The following MAP3K2 variants were observed in gnomAD, a reference collection of about 807,000 sequenced individuals.
MAP3K2 encodes the protein mitogen-activated protein kinase kinase kinase 2.
MAP3K2 carries 24 observed loss-of-function variants against 80.3 expected under a neutral mutation model. That is an observed-to-expected ratio of 0.30 (90% CI 0.22 to 0.42). The LOEUF (loss-of-function observed/expected upper bound fraction) is 0.42. MAP3K2 is among the 10% of genes least tolerant of loss of function. The pLI, the probability that MAP3K2 is intolerant of heterozygous loss-of-function variation, is 1.00. For missense variants in MAP3K2, 608 were observed against 750.1 expected (o/e 0.81, Z 2.21); for synonymous variants, 244 against 253.7 (o/e 0.96, Z 0.36).
At chr2:127,368,516 G>A (rs1337312404) in intron 1 of MAP3K2, among the ~76,000 whole-genome samples, 1 of 152,064 alleles carries the variant, frequency 6.6e-6, no homozygotes, top group Non-Finnish European at 1.5e-5. Context: ...CAGCTACTCA[G>A]GAGGCTGAGG....
intron 1 of MAP3K2, among the ~76,000 whole-genome samples, chr2:127,358,360 A>G (rs1686829218): frequency 6.6e-6 from 1 of 152,222 alleles, no homozygotes; most frequent in South Asian, 2.1e-4. Context: ...CCGCTTTGGA[A>G]AACAGTTTGG....
chr2:127,338,657 A>G (rs1376739784), intron 3 of MAP3K2, among the ~76,000 whole-genome samples: 2 of 152,188 alleles, frequency 1.3e-5, no homozygotes, highest in African/African-American at 2.4e-5. Context: ...CTGAAAGGAC[A>G]TGATTTTGTT....
rs1686040058 is a variant in MAP3K2, at chr2:127,322,289, T to C, written c.839-37A>G. ...AAAGAGAATGACCTTATACCTTTTA[T>C]TAATATGTTATACTTTTAAAGTATT... On this transcript the variant is annotated intron_variant, in intron 11 of 16. Coordinates refer to ENST00000682094, the MANE Select transcript of MAP3K2 (RefSeq NM_001371910.2). The surrounding 1 kb of genome is among the most constrained non-coding windows in gnomAD (Gnocchi z 4.2). 3 of 1,297,660 alleles carry C rather than the reference T, an allele frequency of 2.3e-6. No individual in the cohort carries two copies. The highest frequency in any genetic ancestry group is 2.2e-6 in the Non-Finnish European group (2 of 912,398). 80.4% of individuals were successfully genotyped at this position (1,297,660 alleles called of 1,614,324 possible).
intron 11 of MAP3K2, among the ~76,000 whole-genome samples, chr2:127,323,523 A>C (rs1686068906): frequency 6.6e-6 from 1 of 152,110 alleles, no homozygotes; most frequent in Non-Finnish European, 1.5e-5. Flanking sequence ...TGTCTCTACA[A>C]AAAAAATTTT....
chr2:127,319,975 G>A (rs529281035), intron 12 of MAP3K2, among the ~76,000 whole-genome samples: 4 of 152,202 alleles, frequency 2.6e-5, no homozygotes, highest in Admixed American at 2.6e-4. Flanking sequence ...TCCAAACCCA[G>A]CTCAACTCCT....
At chr2:127,360,368 T>TA (rs58395927) in intron 1 of MAP3K2, among the ~76,000 whole-genome samples, 2,955 of 125,306 alleles carry the variant, frequency 0.024, 52 homozygotes, top group African/African-American at 0.062. Context: ...ATCACTGGTT[T>TA]AAAAAAAAAA....
Position 127,302,512 on chromosome 2 carries a change from A to ATG in MAP3K2, c.*5066_*5067insCA, listed in dbSNP as rs1353682359. 6.6e-6 allele frequency: 1 copy of ATG among 152,054 alleles called. No individual in the cohort carries two copies. The highest frequency in any genetic ancestry group is 6.6e-5 in the Admixed American group (1 of 15,238). The allele number at this position is 152,054 out of a possible 1,614,324, so 9.4% of individuals were successfully genotyped here. ...GCACACATGCACACACTTCACAGAA[A>ATG]AGTAACTTTTCTGTGAGTATTACCC... is the stretch of plus-strand genomic sequence containing the variant. On this transcript the variant is annotated 3_prime_UTR_variant, in exon 17 of 17. Coordinates refer to ENST00000682094, the MANE Select transcript of MAP3K2 (RefSeq NM_001371910.2).
intron 9 of MAP3K2, 27 bp from the exon 10 acceptor site, chr2:127,324,268 T>G: frequency 7.2e-7 from 1 of 1,380,476 alleles, no homozygotes; most frequent in Non-Finnish European, 9.9e-7. Context: ...TCACATTAAG[T>G]TTACAGAAAG....
chr2:127,326,182 CTAA>C (rs1393747873), intron 8 of MAP3K2, among the ~76,000 whole-genome samples: 4 of 150,216 alleles, frequency 2.7e-5, no homozygotes, highest in South Asian at 2.1e-4. Context: ...CAAACTGAGA[CTAA>C]TGACACTATG....
chr2:127,338,309 TC>T (rs1686411242), intron 3 of MAP3K2, among the ~76,000 whole-genome samples: 1 of 152,178 alleles, frequency 6.6e-6, no homozygotes, highest in Admixed American at 6.5e-5. Context: ...ATGCTACAAT[TC>T]TTTATGAACA....
intron 2 of MAP3K2, among the ~76,000 whole-genome samples, chr2:127,340,996 G>A (rs992641653): frequency 6.6e-6 from 1 of 151,838 alleles, no homozygotes; most frequent in Non-Finnish European, 1.5e-5. Context: ...GGGGGGACGG[G>A]GGAAGCAAGG....
chr2:127,378,596 A>G (rs1392896564), intron 1 of MAP3K2, among the ~76,000 whole-genome samples: 4 of 152,234 alleles, frequency 2.6e-5, no homozygotes, highest in African/African-American at 9.6e-5. Context: ...AGTTGATTCT[A>G]TAAAAATGAA....
In MAP3K2 at chr2:127,353,708, C is replaced by T. The variant is rs540746049; in HGVS notation, c.-65-10514G>A. Among the ~76,000 whole-genome samples the T allele has an allele frequency of 2.1e-3, 315 of 151,936 alleles. 1 individual carries two copies. Among genetic ancestry groups the T allele is most frequent in the African/African-American group, 7.2e-3 (300 of 41,408 alleles). The stretch of plus-strand genomic sequence containing the variant: ...CCGCCCCTACTGGGAAGTGAGGAGC[C>T]CCTCTGCCCGGCCACCACCCCGTCT... On this transcript the variant is annotated intron_variant, in intron 1 of 16. Transcript: ENST00000682094.
chr2:127,363,438 A>T (rs1047979800), intron 1 of MAP3K2, among the ~76,000 whole-genome samples: 1 of 152,226 alleles, frequency 6.6e-6, no homozygotes, highest in African/African-American at 2.4e-5. Flanking sequence ...AGTCAAAATC[A>T]GTTCATATTG....
intron 7 of MAP3K2, among the ~76,000 whole-genome samples, chr2:127,328,905 C>T (rs1686196659): frequency 6.6e-6 from 1 of 152,176 alleles, no homozygotes; most frequent in African/African-American, 2.4e-5. Context: ...GCCCCTCATA[C>T]ATGTTTTCAT....
At chr2:127,330,760 G>C (rs1686241311) in intron 5 of MAP3K2, among the ~76,000 whole-genome samples, 1 of 152,106 alleles carries the variant, frequency 6.6e-6, no homozygotes, top group Non-Finnish European at 1.5e-5. Flanking sequence ...AACATTTAAA[G>C]ATTAATTTTC....
intron 1 of MAP3K2, among the ~76,000 whole-genome samples, chr2:127,384,143 C>T (rs1260741652): frequency 6.6e-6 from 1 of 151,358 alleles, no homozygotes; most frequent in Non-Finnish European, 1.5e-5. Context: ...GATCTGCCCG[C>T]CTCGGCCTCC....
intron 14 of MAP3K2, among the ~76,000 whole-genome samples, chr2:127,317,345 G>T (rs1316493988): frequency 2.0e-5 from 3 of 152,164 alleles, no homozygotes; most frequent in Non-Finnish European, 2.9e-5. Flanking sequence ...GGAACTTGGT[G>T]TGAATATATC....
In MAP3K2 at chr2:127,358,774, A is replaced by G. The variant is rs144599143; in HGVS notation, c.-65-15580T>C. Among the ~76,000 whole-genome samples the G allele has an allele frequency of 2.3e-3, 354 of 152,338 alleles. 1 individual carries two copies. The highest frequency in any genetic ancestry group is 7.7e-3 in the African/African-American group (321 of 41,572). Reference sequence around the variant, plus strand: ...ATGGCAAAACCCGTCTCTACTAAAAATACAAAAATTAGCCGGGCACGGTGG... The same window carrying G: ...ATGGCAAAACCCGTCTCTACTAAAAGTACAAAAATTAGCCGGGCACGGTGG... On this transcript the variant is annotated intron_variant, in intron 1 of 16. Coordinates refer to ENST00000682094, the MANE Select transcript of MAP3K2 (RefSeq NM_001371910.2).
Sources: gnomAD v4.1 joint callset for allele counts (sites outside exome capture counted in the v4.1 genomes callset) on GRCh38, gnomAD v4.1.1 for gene constraint, Gnocchi (gnomAD v3.1) non-coding constraint, MANE v1.5 for transcripts, NCBI Gene and HGNC (gene_info 2026-07-23, HGNC 2026-07-21) for gene names.